The following CCSER1 variants were observed in gnomAD, a reference collection of about 807,000 sequenced individuals.
The protein encoded by CCSER1 is serine-rich coiled-coil domain-containing protein 1.
Under a neutral mutation model 82.0 loss-of-function variants are expected in CCSER1, and 41 were observed. That is an observed-to-expected ratio of 0.50 (90% confidence interval 0.39 to 0.65). The LOEUF (loss-of-function observed/expected upper bound fraction) is 0.65, where lower values mean the gene tolerates loss of function less well. CCSER1 is among the 30% of genes least tolerant of loss of function. The pLI is 0.00. For missense variants in CCSER1, 1,119 were observed against 1,064.2 expected, an observed-to-expected ratio of 1.05 and a Z score of -0.72; for synonymous variants, 414 against 383.9, an observed-to-expected ratio of 1.08 and a Z score of -0.92.
At chr4:91,485,534 T>C (rs2110057207) in intron 10 of CCSER1, among the ~76,000 whole-genome samples, 1 of 152,274 alleles carries the variant, frequency 6.6e-6, no homozygotes, top group Non-Finnish European at 1.5e-5. Context: ...TTGAATACTC[T>C]CCTGCCTTTT....
At chr4:90,152,207 C>T (rs1726994286) in intron 1 of CCSER1, among the ~76,000 whole-genome samples, 1 of 152,142 alleles carries the variant, frequency 6.6e-6, no homozygotes, top group Non-Finnish European at 1.5e-5. Flanking sequence ...GAGATCTTTT[C>T]CCTGACTAGT....
intron 6 of CCSER1, among the ~76,000 whole-genome samples, chr4:90,674,057 G>A (rs553173987): frequency 6.6e-6 from 1 of 152,024 alleles, no homozygotes; most frequent in East Asian, 1.9e-4. Flanking sequence ...TGATGTGCAA[G>A]CCCTTAAGAC....
chr4:91,215,777 C>G (rs1737189398), intron 10 of CCSER1, among the ~76,000 whole-genome samples: 1 of 152,136 alleles, frequency 6.6e-6, no homozygotes, highest in African/African-American at 2.4e-5. Context: ...AATTGACACT[C>G]AATATCAACC....
At chr4:90,248,240 TCC>T (rs1721791011) in intron 1 of CCSER1, among the ~76,000 whole-genome samples, 1 of 152,200 alleles carries the variant, frequency 6.6e-6, no homozygotes, top group Non-Finnish European at 1.5e-5. Flanking sequence ...ACCATTGTTT[TCC>T]TAGGGCGTGT....
chr4:91,194,459 G>C (rs569025302), intron 10 of CCSER1, among the ~76,000 whole-genome samples: 1 of 152,264 alleles, frequency 6.6e-6, no homozygotes, highest in East Asian at 1.9e-4. Flanking sequence ...ATGGTTCAGA[G>C]TAGAAGAATT....
At chr4:90,315,138 C>A (rs762807665) in intron 3 of CCSER1, among the ~76,000 whole-genome samples, 2 of 152,214 alleles carry the variant, frequency 1.3e-5, no homozygotes, top group East Asian at 3.9e-4. Context: ...GCGTGAGCCA[C>A]CACGCTCAGC....
chr4:90,235,153 GTGCTGCTGCCAACACTGCAAGCCC>G (rs2153430953), intron 1 of CCSER1: 1 of 152,788 alleles, frequency 6.5e-6, no homozygotes, highest in South Asian at 2.1e-4. Flanking sequence ...GCTGTCATTA[GTGCTGCTGCCAACACTGCAAGCCC>G]TGCTGCTGCC....
intron 3 of CCSER1, among the ~76,000 whole-genome samples, chr4:90,340,386 A>G (rs1173232919): frequency 6.6e-6 from 1 of 152,202 alleles, no homozygotes; most frequent in Non-Finnish European, 1.5e-5. Flanking sequence ...TATCCTGTGT[A>G]ATGAGAGACT....
chr4:90,509,254 A>G (rs1028621203), intron 5 of CCSER1, among the ~76,000 whole-genome samples: 2 of 152,126 alleles, frequency 1.3e-5, no homozygotes, highest in African/African-American at 4.8e-5. Flanking sequence ...TTTACTTCAC[A>G]CTTCCTTTTT....
intron 5 of CCSER1, among the ~76,000 whole-genome samples, chr4:90,475,820 T>A (rs1432590150): frequency 6.6e-6 from 1 of 152,180 alleles, no homozygotes; most frequent in African/African-American, 2.4e-5. Flanking sequence ...AGATCACTTG[T>A]GGGCCAATTT....
intron 1 of CCSER1, among the ~76,000 whole-genome samples, chr4:90,239,818 T>C (rs1040062321): frequency 2.6e-5 from 4 of 152,206 alleles, no homozygotes; most frequent in African/African-American, 9.6e-5. Flanking sequence ...CTTGTAATTA[T>C]TTCCAAATGT....
At chr4:91,126,501 C>T (rs1208196690) in intron 10 of CCSER1, among the ~76,000 whole-genome samples, 1 of 151,832 alleles carries the variant, frequency 6.6e-6, no homozygotes, top group East Asian at 1.9e-4. Flanking sequence ...AATATTTCTG[C>T]AGCTTATTTA....
At chr4:91,175,175 G>C (rs373628132) in intron 10 of CCSER1, among the ~76,000 whole-genome samples, 34 of 152,216 alleles carry the variant, frequency 2.2e-4, no homozygotes, top group East Asian at 2.1e-3. Context: ...TGGCTGTATA[G>C]TGTTCCATGG....
At chr4:90,933,018 A>AAGAAAGAAAG (rs1561385659) in intron 9 of CCSER1, among the ~76,000 whole-genome samples, 3 of 88,302 alleles carry the variant, frequency 3.4e-5, no homozygotes, top group African/African-American at 2.4e-4. Context: ...GAAAGAAAGA[A>AAGAAAGAAAG]AGAAAGAAAG....
At chr4:90,738,617 C>A (rs1489358239) in intron 7 of CCSER1, among the ~76,000 whole-genome samples, 1 of 152,122 alleles carries the variant, frequency 6.6e-6, no homozygotes, top group Non-Finnish European at 1.5e-5. Flanking sequence ...TCCCAAGGCC[C>A]ACTATGACCA....
At chr4:90,256,735 C>T (rs1299897868) in intron 1 of CCSER1, among the ~76,000 whole-genome samples, 1 of 152,090 alleles carries the variant, frequency 6.6e-6, no homozygotes, top group South Asian at 2.1e-4. Context: ...GGTCACTGAT[C>T]ATTTTATTTA....
chr4:90,168,544 C>T (rs1730970994), intron 1 of CCSER1, among the ~76,000 whole-genome samples: 1 of 152,068 alleles, frequency 6.6e-6, no homozygotes, highest in South Asian at 2.1e-4. Context: ...ACATGAAGTC[C>T]TTGCCCATGC....
chr4:91,136,821 T>C (rs921170157), intron 10 of CCSER1, among the ~76,000 whole-genome samples: 2 of 152,086 alleles, frequency 1.3e-5, no homozygotes, highest in Non-Finnish European at 2.9e-5. Context: ...CTGTGTCAAC[T>C]TATACAATAT....
At chr4:91,589,427 G>A (rs1764157787) in intron 10 of CCSER1, among the ~76,000 whole-genome samples, 1 of 151,776 alleles carries the variant, frequency 6.6e-6, no homozygotes, top group African/African-American at 2.4e-5. Flanking sequence ...ACAGCGATTG[G>A]CTATAAAGTC....
Sources: gnomAD v4.1 joint callset for allele counts (sites outside exome capture counted in the v4.1 genomes callset) on GRCh38, gnomAD v4.1.1 for gene constraint, MANE v1.5 for transcripts, NCBI Gene and HGNC (gene_info 2026-07-23, HGNC 2026-07-21) for gene names.